C1orf185: variants seen among roughly 807,000 people sequenced by gnomAD.
The protein encoded by C1orf185 is chromosome 1 open reading frame 185.
In C1orf185, 13 loss-of-function variants were observed where a neutral mutation model predicts 16.1. The ratio of observed to expected loss-of-function variants is 0.81; its 90% CI spans 0.53 to 1.28. The LOEUF (loss-of-function observed/expected upper bound fraction) is 1.28. C1orf185 is among the 50% of genes most tolerant of loss of function. C1orf185 has a pLI of 0.00. For missense variants in C1orf185, 220 were observed against 225.2 expected (o/e 0.98, Z 0.15); for synonymous variants, 80 against 76.9 (o/e 1.04, Z -0.21).
intron 1 of C1orf185, among the ~76,000 whole-genome samples, chr1:51,103,362 T>A (rs1440320898): frequency 6.7e-6 from 1 of 148,378 alleles, no homozygotes; most frequent in Non-Finnish European, 1.5e-5. Flanking sequence ...GCTATGATCA[T>A]GCCACTGCAC....
At chr1:51,105,361 CTT>C (rs1053230115) in intron 1 of C1orf185, among the ~76,000 whole-genome samples, 2 of 151,606 alleles carry the variant, frequency 1.3e-5, no homozygotes, top group Non-Finnish European at 1.5e-5. Flanking sequence ...AAAAAAAAAA[CTT>C]TCTCCTATCT....
chr1:51,126,384 C>T (rs991916455), intron 3 of C1orf185, among the ~76,000 whole-genome samples: 3 of 152,036 alleles, frequency 2.0e-5, no homozygotes, highest in African/African-American at 7.3e-5. Context: ...CTACCTCAGC[C>T]TCCTGAGTAG....
chr1:51,137,259 A>C (rs574562506), intron 3 of C1orf185, among the ~76,000 whole-genome samples: 3 of 152,286 alleles, frequency 2.0e-5, no homozygotes, highest in African/African-American at 7.2e-5. Flanking sequence ...AAAGCTAGAC[A>C]TGGTGGCTCA....
At chr1:51,150,360 T>G (rs1646424850), downstream of C1orf185, among the ~76,000 whole-genome samples, 1 of 152,026 alleles carries the variant, frequency 6.6e-6, no homozygotes, top group Non-Finnish European at 1.5e-5. Flanking sequence ...GTCCAGCTAA[T>G]TTTTGTATTT....
intron 2 of C1orf185, among the ~76,000 whole-genome samples, chr1:51,113,604 G>A (rs754671433): frequency 3.9e-5 from 6 of 152,152 alleles, no homozygotes; most frequent in Non-Finnish European, 5.9e-5. Context: ...AGAATCGCTT[G>A]AACCCAGGAT....
intron 3 of C1orf185, among the ~76,000 whole-genome samples, chr1:51,136,297 G>GA (rs201823261): frequency 0.013 from 1,950 of 149,178 alleles, 46 homozygotes; most frequent in African/African-American, 0.046. Flanking sequence ...CATAGAACTA[G>GA]AAAAAAAATC....
At chr1:51,137,677 T>C (rs1226031342) in intron 3 of C1orf185, among the ~76,000 whole-genome samples, 5 of 152,100 alleles carry the variant, frequency 3.3e-5, no homozygotes, top group Non-Finnish European at 7.4e-5. Flanking sequence ...AGAAATACCA[T>C]TTGACCCCAC....
chr1:51,147,926 G>T lies in C1orf185; in HGVS notation c.*155G>T. On this transcript the variant is annotated 3_prime_UTR_variant, in exon 5 of 5. Coordinates refer to ENST00000371759, the MANE Select transcript of C1orf185 (RefSeq NM_001136508.2). ...CTCTTAACATGTCCATGCTAATATTGCTTTTTTTGTTCTTTACCATAGAGC... is the reference window on the plus strand; with the variant it reads ...CTCTTAACATGTCCATGCTAATATTTCTTTTTTTGTTCTTTACCATAGAGC... The T allele has an allele frequency of 3.0e-6, 2 of 667,442 alleles. No individual in the cohort carries two copies. The highest frequency in any genetic ancestry group is 2.3e-6 in the Non-Finnish European group (1 of 429,686). 41.3% of individuals were successfully genotyped at this position (667,442 alleles called of 1,614,324 possible).
chr1:51,125,228 A>T lies in C1orf185; in HGVS notation c.258+6427A>T, dbSNP rs149005995. ...GAAGGAAGAGAAAAATTAATGCTCC[A>T]ATGCCCACCCACAGCATCACATTAT... On this transcript the variant is annotated intron_variant, in intron 3 of 4. Coordinates refer to ENST00000371759, the MANE Select transcript of C1orf185 (RefSeq NM_001136508.2). Among the ~76,000 whole-genome samples the T allele has an allele frequency of 3.6e-3, 545 of 152,326 alleles. 1 individual carries two copies. The highest frequency in any genetic ancestry group is 4.4e-3 in the Non-Finnish European group (300 of 68,028).
intron 1 of C1orf185, among the ~76,000 whole-genome samples, chr1:51,104,693 T>C (rs1646056331): frequency 6.6e-6 from 1 of 152,012 alleles, no homozygotes; most frequent in South Asian, 2.1e-4. Context: ...AGACAGAGAG[T>C]TTTATTTATT....
chr1:51,127,302 G>T (rs61677045), intron 3 of C1orf185, among the ~76,000 whole-genome samples: 19,530 of 144,512 alleles, frequency 0.14, 2,345 homozygotes, highest in African/African-American at 0.33. Flanking sequence ...TTTTTTTTTT[G>T]TGTGAGATGG....
rs368592910 is a variant in C1orf185, at chr1:51,147,872, G to C, written c.*101G>C. ...TAATACTGAATGACTTTTTTCTTTT[G>C]AAACCTTGTATACAATCAGCTTCTG... On this transcript the variant is annotated 3_prime_UTR_variant, in exon 5 of 5. Coordinates refer to ENST00000371759, the MANE Select transcript of C1orf185 (RefSeq NM_001136508.2). 2.1e-5 allele frequency: 23 copies of C among 1,098,070 alleles called. 1 individual carries two copies. The African/African-American group carries it at 3.7e-4, about 17-fold the overall frequency. 68.0% of individuals were successfully genotyped at this position (1,098,070 alleles called of 1,614,324 possible). A position where few individuals can be genotyped will look rare whatever the true frequency, so the allele number is the denominator to read the frequency against.
At chr1:51,128,043 A>C (rs1646254786) in intron 3 of C1orf185, among the ~76,000 whole-genome samples, 1 of 151,490 alleles carries the variant, frequency 6.6e-6, no homozygotes, top group Non-Finnish European at 1.5e-5. Context: ...GCGTGCCACC[A>C]CGCCCAGCTA....
chr1:51,152,206 C>G (rs1036966194), downstream of C1orf185, among the ~76,000 whole-genome samples: 1 of 152,144 alleles, frequency 6.6e-6, no homozygotes, highest in African/African-American at 2.4e-5. Context: ...GTTGGAAGAA[C>G]TGGACACTGA....
chr1:51,111,662 G>A lies in C1orf185; in HGVS notation c.17-802G>A, dbSNP rs547886745. 2.6e-5 allele frequency among the ~76,000 whole-genome samples: 4 copies of A among 152,204 alleles called. No individual in the cohort carries two copies. The East Asian group carries it at 7.7e-4, about 29-fold the overall frequency. ...AGCCTCCCGAGTAGCTGGGACTACA[G>A]GCATGTACCACCATGCCCGGCTAAT... On this transcript the variant is annotated intron_variant, in intron 1 of 4. Transcript: ENST00000371759.
At chr1:51,128,169 G>A (rs559454983) in intron 3 of C1orf185, among the ~76,000 whole-genome samples, 31 of 152,178 alleles carry the variant, frequency 2.0e-4, no homozygotes, top group Non-Finnish European at 3.8e-4. Context: ...GATTACAGGC[G>A]TGAGCCACCG....
intron 3 of C1orf185, among the ~76,000 whole-genome samples, chr1:51,119,495 T>C (rs1646182458): frequency 6.6e-6 from 1 of 152,200 alleles, no homozygotes; most frequent in East Asian, 1.9e-4. Context: ...TTCATTGATT[T>C]AACAAACATT....
chr1:51,140,826 T>C (rs1646359481), intron 3 of C1orf185, among the ~76,000 whole-genome samples: 1 of 152,226 alleles, frequency 6.6e-6, no homozygotes, highest in Non-Finnish European at 1.5e-5. Flanking sequence ...TGATATTCTC[T>C]TGCTCACTTC....
intron 3 of C1orf185, among the ~76,000 whole-genome samples, chr1:51,128,473 C>T (rs566143707): frequency 6.6e-6 from 1 of 152,164 alleles, no homozygotes; most frequent in Non-Finnish European, 1.5e-5. Context: ...GGGCAGATCA[C>T]CTGAGATCAG....
Sources: allele counts gnomAD v4.1 joint callset (sites outside exome capture counted in the v4.1 genomes callset), GRCh38; gene constraint gnomAD v4.1.1; transcripts MANE v1.5; gene names NCBI Gene and HGNC (gene_info 2026-07-23, HGNC 2026-07-21).